RFX3: variants seen among roughly 807,000 people sequenced by gnomAD.
The protein encoded by RFX3 is transcription factor RFX3.
A neutral mutation model predicts 98.6 loss-of-function variants in RFX3; 14 were observed. The ratio of observed to expected loss-of-function variants is 0.14; its 90% CI spans 0.09 to 0.22. The LOEUF (loss-of-function observed/expected upper bound fraction) is 0.22, where lower values mean the gene tolerates loss of function less well. Among genes scored for constraint, RFX3 ranks in the 10% least tolerant of loss-of-function variants. The pLI, the probability that RFX3 is intolerant of heterozygous loss-of-function variation, is 1.00. For missense variants in RFX3, 639 were observed against 926.9 expected, an observed-to-expected ratio of 0.69 and a Z score of 4.03; for synonymous variants, 383 against 328.4, an observed-to-expected ratio of 1.17 and a Z score of -1.80.
intron 2 of RFX3, among the ~76,000 whole-genome samples, chr9:3,358,142 G>A (rs1835989691): frequency 6.6e-6 from 1 of 152,052 alleles, no homozygotes; most frequent in Non-Finnish European, 1.5e-5. Flanking sequence ...ATTTCCTTGT[G>A]TATAAAATAA....
At chr9:3,297,570 G>A (rs1342217302) in intron 5 of RFX3, among the ~76,000 whole-genome samples, 1 of 151,946 alleles carries the variant, frequency 6.6e-6, no homozygotes, top group Admixed American at 6.6e-5. Flanking sequence ...TTTTTTCCCA[G>A]ATGGATTATT....
chr9:3,442,553 C>G (rs561801061), intron 1 of RFX3, among the ~76,000 whole-genome samples: 4 of 152,222 alleles, frequency 2.6e-5, no homozygotes, highest in East Asian at 3.9e-4. Context: ...AGTGGAAAAA[C>G]TGATGAAATC....
At position 3,237,030 on chromosome 9, in the gene RFX3, A is replaced by C. The variant is rs633614; in HGVS notation, c.1969-8141T>G. On this transcript the variant is annotated intron_variant, in intron 15 of 16. Coordinates refer to ENST00000617270, the MANE Select transcript of RFX3 (RefSeq NM_001282116.2). ...GGAATAAGATATCTCTTTGGGAAGC[A>C]ACCTTTTAACTTGCTTAAATTCTAT... is the stretch of plus-strand genomic sequence containing the variant. 2.6e-5 allele frequency among the ~76,000 whole-genome samples: 4 copies of C among 152,098 alleles called. No homozygotes were observed. In the South Asian group the frequency reaches 8.3e-4, roughly 31 times the overall value.
intron 1 of RFX3, among the ~76,000 whole-genome samples, chr9:3,456,796 G>GTGGT (rs1847198347): frequency 6.6e-6 from 1 of 152,206 alleles, no homozygotes; most frequent in South Asian, 2.1e-4. Flanking sequence ...GGAAGCCCAT[G>GTGGT]TGGTCCCTAG....
chr9:3,315,750 T>G (rs572718222), intron 4 of RFX3, among the ~76,000 whole-genome samples: 1 of 152,140 alleles, frequency 6.6e-6, no homozygotes, highest in African/African-American at 2.4e-5. Flanking sequence ...TAAACACCAC[T>G]ATGCAAATAA....
chr9:3,369,345 T>TATAA (rs1327141836), intron 2 of RFX3, among the ~76,000 whole-genome samples: 1 of 152,174 alleles, frequency 6.6e-6, no homozygotes, highest in African/African-American at 2.4e-5. Flanking sequence ...GGTTGTCTTT[T>TATAA]GTAAGTACAC....
intron 3 of RFX3, among the ~76,000 whole-genome samples, chr9:3,334,629 C>G (rs12000700): frequency 0.06 from 9,177 of 151,970 alleles, 907 homozygotes; most frequent in African/African-American, 0.21. Flanking sequence ...CATCGTGCGA[C>G]TGTGGAGAAG....
At chr9:3,327,088 C>T (rs968860564) in intron 4 of RFX3, among the ~76,000 whole-genome samples, 1 of 152,078 alleles carries the variant, frequency 6.6e-6, no homozygotes, top group African/African-American at 2.4e-5. Flanking sequence ...TGAGTCTTGA[C>T]CAACAAATCT....
chr9:3,366,682 C>CTTCTTTCTTTCCTTTCTTTCTTTCT (rs1837131165), intron 2 of RFX3, among the ~76,000 whole-genome samples: 1 of 69,968 alleles, frequency 1.4e-5, no homozygotes, highest in African/African-American at 5.5e-5. Flanking sequence ...CTCTTTCTTT[C>CTTCTTTCTTTCCTTTCTTTCTTTCT]TTCTTTCTTT....
intron 15 of RFX3, among the ~76,000 whole-genome samples, chr9:3,229,942 G>A (rs1242452212): frequency 6.6e-6 from 1 of 152,024 alleles, no homozygotes; most frequent in Non-Finnish European, 1.5e-5. Flanking sequence ...CTTCACAGTA[G>A]CTACCTTGGG....
chr9:3,508,153 A>C (rs1273039210), intron 1 of RFX3, among the ~76,000 whole-genome samples: 1 of 151,976 alleles, frequency 6.6e-6, no homozygotes, highest in Non-Finnish European at 1.5e-5. Flanking sequence ...CTGAATTTTA[A>C]AAGTTAAGTA....
intron 1 of RFX3, among the ~76,000 whole-genome samples, chr9:3,470,870 T>C (rs1041651835): frequency 1.3e-5 from 2 of 152,340 alleles, no homozygotes; most frequent in African/African-American, 4.8e-5. Context: ...AGGGCTCTTC[T>C]AGCATTCTAA....
chr9:3,400,177 C>T, intron 1 of RFX3: 1 of 913,516 alleles, frequency 1.1e-6, no homozygotes, highest in Non-Finnish European at 1.3e-6. Flanking sequence ...ACATCACTTA[C>T]CGAAGGCCAT....
intron 14 of RFX3, among the ~76,000 whole-genome samples, chr9:3,253,662 T>C (rs1206916406): frequency 2.0e-5 from 3 of 152,166 alleles, no homozygotes; most frequent in Non-Finnish European, 4.4e-5. Context: ...TCAACTGCTA[T>C]TATGATTCTC....
intron 1 of RFX3, among the ~76,000 whole-genome samples, chr9:3,464,376 T>C (rs1349261276): frequency 6.6e-6 from 1 of 152,110 alleles, no homozygotes; most frequent in African/African-American, 2.4e-5. Flanking sequence ...AGCTAAACCC[T>C]GAAAAAGAAA....
At position 3,458,199 on chromosome 9, in the gene RFX3, T is replaced by G. The variant is rs1455035386; in HGVS notation, c.-8-62603A>C. 2.0e-5 allele frequency among the ~76,000 whole-genome samples: 3 copies of G among 152,096 alleles called. No homozygotes were observed. In the East Asian group the frequency reaches 5.8e-4, roughly 29 times the overall value. ...AGATAACTTAAAAATATGGGGTCAG[T>G]TATTAAAAAAGGCCTTGTAATGTAA... On this transcript the variant is annotated intron_variant, in intron 1 of 16. Coordinates refer to ENST00000617270, the MANE Select transcript of RFX3 (RefSeq NM_001282116.2).
At chr9:3,435,455 A>G (rs927809053) in intron 1 of RFX3, among the ~76,000 whole-genome samples, 2 of 151,962 alleles carry the variant, frequency 1.3e-5, no homozygotes, top group Non-Finnish European at 2.9e-5. Context: ...CTAGGCCTAC[A>G]TAGGCTCAGG....
intron 1 of RFX3, among the ~76,000 whole-genome samples, chr9:3,443,826 T>A (rs1212087816): frequency 1.3e-5 from 2 of 152,224 alleles, no homozygotes; most frequent in Admixed American, 6.5e-5. Context: ...CCACCAACGA[T>A]GTAAAAGTAT....
At chr9:3,429,234 A>G (rs976008736) in intron 1 of RFX3, among the ~76,000 whole-genome samples, 22 of 150,760 alleles carry the variant, frequency 1.5e-4, no homozygotes, top group Admixed American at 5.9e-4. Context: ...GTGTTAGCCA[A>G]GATGGTCTCG....
Sources: gnomAD v4.1 joint callset for allele counts (sites outside exome capture counted in the v4.1 genomes callset) on GRCh38, gnomAD v4.1.1 for gene constraint, MANE v1.5 for transcripts, NCBI Gene and HGNC (gene_info 2026-07-23, HGNC 2026-07-21) for gene names.